The following ODAD2 variants were observed in gnomAD, a reference collection of about 807,000 sequenced individuals.
The protein encoded by ODAD2 is outer dynein arm-docking complex subunit 2.
Under a neutral mutation model 106.8 loss-of-function variants are expected in ODAD2, and 89 were observed. The observed-to-expected ratio is 0.83, with a 90% confidence interval of 0.70 to 0.99. ODAD2 has a LOEUF of 0.99. Ranked by LOEUF, ODAD2 falls within the 50% of genes least tolerant of loss-of-function variation. The probability of loss-of-function intolerance (pLI) is 0.00; values close to 1 mark genes in which losing one functional copy is unlikely to be tolerated. For missense variants in ODAD2, 1,168 were observed against 1,238.5 expected (o/e 0.94, Z 0.85); for synonymous variants, 404 against 436.2 (o/e 0.93, Z 0.92).
At chr10:27,993,180 G>T (rs189464893) in intron 2 of ODAD2, among the ~76,000 whole-genome samples, 1 of 152,044 alleles carries the variant, frequency 6.6e-6, no homozygotes, top group South Asian at 2.1e-4. Context: ...CTTTCAAAAC[G>T]TTGGGATTAC....
At chr10:27,951,717 A>G (rs116485790) in intron 10 of ODAD2, among the ~76,000 whole-genome samples, 2,886 of 152,262 alleles carry the variant, frequency 0.019, 89 homozygotes, top group African/African-American at 0.067. Flanking sequence ...CCTAGTTCTT[A>G]AGAAACAAAA....
chr10:27,854,582 C>A (rs1199607340), intron 19 of ODAD2, among the ~76,000 whole-genome samples: 2 of 151,988 alleles, frequency 1.3e-5, no homozygotes, highest in South Asian at 2.1e-4. Flanking sequence ...ATGGCAAAAC[C>A]CAGTCTCTAC....
intron 10 of ODAD2, among the ~76,000 whole-genome samples, chr10:27,953,941 A>G (rs1847540488): frequency 1.3e-5 from 2 of 152,210 alleles, no homozygotes; most frequent in Admixed American, 6.5e-5. Flanking sequence ...CTCAGGGAGC[A>G]AGAGCTGGGA....
chr10:27,983,742 G>T, intron 6 of ODAD2, 101 bp downstream of exon 6: 2 of 1,142,022 alleles, frequency 1.8e-6, no homozygotes, highest in Non-Finnish European at 1.2e-6. Context: ...CCCACAGAAT[G>T]GTAATTCATT....
intron 12 of ODAD2, 43 bp from the exon 13 acceptor site, chr10:27,940,848 A>G (rs780296977): frequency 6.3e-7 from 1 of 1,582,172 alleles, no homozygotes. Context: ...AATCTTAAAA[A>G]GAACATTTAA....
chr10:27,900,015 ACTGGG>A (rs1843090390), intron 17 of ODAD2, among the ~76,000 whole-genome samples: 6 of 152,156 alleles, frequency 3.9e-5, no homozygotes, highest in Non-Finnish European at 8.8e-5. Flanking sequence ...GTGCCTCCTG[ACTGGG>A]AGACACCTCC....
intron 12 of ODAD2, 124 bp downstream of exon 12, chr10:27,944,098 C>T: frequency 1.3e-6 from 1 of 796,180 alleles, no homozygotes; most frequent in Non-Finnish European, 2.0e-6. Flanking sequence ...GCGATACAGA[C>T]AGAAGGCTCC....
chr10:27,869,715 A>G (rs1840718757), intron 17 of ODAD2, among the ~76,000 whole-genome samples: 1 of 151,890 alleles, frequency 6.6e-6, no homozygotes, highest in East Asian at 1.9e-4. Context: ...TTGTATTTTT[A>G]GTAGTGACAG....
chr10:27,820,777 C>CTTTTTT (rs72095120), intron 19 of ODAD2, among the ~76,000 whole-genome samples: 26 of 105,540 alleles, frequency 2.5e-4, no homozygotes, highest in African/African-American at 6.2e-4. Flanking sequence ...AGCCCAGCAA[C>CTTTTTT]TTTTTTTTTT....
At chr10:27,884,866 A>G (rs1841971216) in intron 17 of ODAD2, among the ~76,000 whole-genome samples, 1 of 152,178 alleles carries the variant, frequency 6.6e-6, no homozygotes, top group Non-Finnish European at 1.5e-5. Flanking sequence ...ATGAATGCTC[A>G]GAAAAGACCC....
At chr10:27,967,115 A>C (rs1374064859) in intron 9 of ODAD2, among the ~76,000 whole-genome samples, 3 of 151,796 alleles carry the variant, frequency 2.0e-5, no homozygotes, top group East Asian at 3.9e-4. Context: ...AAAGCCTAAT[A>C]AGACAGAAAA....
rs1239497400 is a variant in ODAD2, at chr10:27,812,678, A to G, written c.3022-53T>C. Reference sequence around the variant, plus strand: ...GACACAAGAATAAAAACATTAATCTAAAGACATAAAGTTAGGCTAGGAAAA... The same window carrying G: ...GACACAAGAATAAAAACATTAATCTGAAGACATAAAGTTAGGCTAGGAAAA... On this transcript the variant is annotated intron_variant, in intron 19 of 19. Transcript: ENST00000305242. 15 of 1,507,860 alleles carry G rather than the reference A, an allele frequency of 9.9e-6. No individual in the cohort carries two copies. The East Asian group carries it at 1.7e-4, about 17-fold the overall frequency. 93.4% of individuals were successfully genotyped at this position (1,507,860 alleles called of 1,614,324 possible).
At chr10:27,863,603 G>A (rs1029779070) in intron 17 of ODAD2, among the ~76,000 whole-genome samples, 5 of 152,276 alleles carry the variant, frequency 3.3e-5, no homozygotes, top group African/African-American at 1.2e-4. Context: ...TGGTGGGGAA[G>A]ATGGGCATTA....
chr10:27,828,361 A>G (rs1837227432), intron 19 of ODAD2, among the ~76,000 whole-genome samples: 1 of 152,058 alleles, frequency 6.6e-6, no homozygotes, highest in South Asian at 2.1e-4. Context: ...TGCAGAAGTG[A>G]GAGGGAATAG....
intron 19 of ODAD2, among the ~76,000 whole-genome samples, chr10:27,837,101 G>A (rs573252113): frequency 1.4e-4 from 22 of 152,234 alleles, no homozygotes; most frequent in African/African-American, 5.3e-4. Flanking sequence ...TTCATCCTGA[G>A]GGAAAATTTG....
intron 7 of ODAD2, among the ~76,000 whole-genome samples, chr10:27,977,435 C>T (rs1007467036): frequency 2.0e-5 from 3 of 150,114 alleles, no homozygotes; most frequent in African/African-American, 2.4e-5. Context: ...GGCGCGGTGG[C>T]GGGCGCCTGT....
At chr10:27,828,659 A>G (rs530058866) in intron 19 of ODAD2, among the ~76,000 whole-genome samples, 2 of 152,244 alleles carry the variant, frequency 1.3e-5, no homozygotes, top group South Asian at 2.1e-4. Flanking sequence ...GCAATAAAAG[A>G]TATGCACCAT....
chr10:27,847,385 A>G (rs1404445231), intron 19 of ODAD2, among the ~76,000 whole-genome samples: 1 of 152,232 alleles, frequency 6.6e-6, no homozygotes, highest in Non-Finnish European at 1.5e-5. Flanking sequence ...ACTTCATGCT[A>G]AAAACTCTCA....
chr10:27,855,132 CAA>C (rs746774246), intron 19 of ODAD2, among the ~76,000 whole-genome samples: 64 of 152,044 alleles, frequency 4.2e-4, no homozygotes, highest in Non-Finnish European at 7.4e-4. Context: ...CAAAATCTAT[CAA>C]AGTGTACACC....
Sources: allele counts gnomAD v4.1 joint callset (sites outside exome capture counted in the v4.1 genomes callset), GRCh38; gene constraint gnomAD v4.1.1; transcripts MANE v1.5; gene names NCBI Gene and HGNC (gene_info 2026-07-23, HGNC 2026-07-21).